SCHIP1: variants seen among roughly 807,000 people sequenced by gnomAD.
SCHIP1 encodes schwannomin-interacting protein 1.
In SCHIP1, 8 loss-of-function variants were observed where a neutral mutation model predicts 29.7. The ratio of observed to expected loss-of-function variants is 0.27; its 90% CI spans 0.16 to 0.49. The LOEUF is 0.49. Ranked by LOEUF, SCHIP1 falls within the 20% of genes least tolerant of loss-of-function variation. SCHIP1 has a pLI of 0.99. For synonymous variants in SCHIP1, 76 were observed against 94.9 expected (o/e 0.80, Z 1.16); for missense variants, 193 against 294.6 (o/e 0.66, Z 2.52).
chr3:159,869,939 C>T (rs1715071867), intron 2 of SCHIP1, among the ~76,000 whole-genome samples: 1 of 151,872 alleles, frequency 6.6e-6, no homozygotes, highest in Admixed American at 6.6e-5. Flanking sequence ...AAGGTTTAGA[C>T]ATATTACACA....
chr3:159,303,436 TAAAGAGAGAGAG>T, the SCHIP1 span, among the ~76,000 whole-genome samples: 38 of 78,998 alleles, frequency 4.8e-4, no homozygotes, highest in African/African-American at 1.7e-3. Context: ...CAAATGAATG[TAAAGAGAGAGAG>T]AAAGAGAGAG....
At chr3:159,852,626 A>C (rs1712795640) in intron 1 of SCHIP1, among the ~76,000 whole-genome samples, 1 of 152,142 alleles carries the variant, frequency 6.6e-6, no homozygotes, top group South Asian at 2.1e-4. Context: ...TTTAAAGAAA[A>C]GTTGATGGAT....
At chr3:159,842,829 G>A (rs1744357914) in intron 1 of SCHIP1, among the ~76,000 whole-genome samples, 1 of 151,360 alleles carries the variant, frequency 6.6e-6, no homozygotes, top group Non-Finnish European at 1.5e-5. Flanking sequence ...ATTCAACCAG[G>A]CATCTAATAT....
chr3:159,335,647 T>C, the SCHIP1 span, among the ~76,000 whole-genome samples: 1 of 152,196 alleles, frequency 6.6e-6, no homozygotes, highest in Non-Finnish European at 1.5e-5. Flanking sequence ...TCCAGCTTCA[T>C]CCATGTCCCT....
chr3:159,654,506 C>A, the SCHIP1 span, among the ~76,000 whole-genome samples: 2 of 152,098 alleles, frequency 1.3e-5, no homozygotes, highest in Non-Finnish European at 2.9e-5. Context: ...ACAAACCCCC[C>A]ACTTATATAT....
chr3:159,310,182 G>A, the SCHIP1 span, among the ~76,000 whole-genome samples: 2 of 152,068 alleles, frequency 1.3e-5, no homozygotes, highest in Non-Finnish European at 2.9e-5. Flanking sequence ...GGCAACTACT[G>A]ATGAGAATAA....
At chr3:159,550,261 T>A in the SCHIP1 span, among the ~76,000 whole-genome samples, 1 of 152,096 alleles carries the variant, frequency 6.6e-6, no homozygotes, top group Non-Finnish European at 1.5e-5. Context: ...TAGTTATGCT[T>A]TTCAAATCCT....
chr3:159,714,998 G>A, the SCHIP1 span, among the ~76,000 whole-genome samples: 1 of 152,210 alleles, frequency 6.6e-6, no homozygotes, highest in African/African-American at 2.4e-5. Flanking sequence ...TCTCCCAGTA[G>A]GGGATGACTG....
At chr3:159,707,080 G>A in the SCHIP1 span, among the ~76,000 whole-genome samples, 19 of 152,236 alleles carry the variant, frequency 1.2e-4, no homozygotes, top group African/African-American at 4.6e-4. Flanking sequence ...AATTTCAATG[G>A]TGGCAAGTGT....
chr3:159,706,344 G>C, the SCHIP1 span, among the ~76,000 whole-genome samples: 4 of 152,166 alleles, frequency 2.6e-5, no homozygotes, highest in Non-Finnish European at 4.4e-5. Flanking sequence ...AGTGTGTCAA[G>C]AGGAACAGAG....
the SCHIP1 span, among the ~76,000 whole-genome samples, chr3:159,634,597 A>G: frequency 1.3e-5 from 2 of 152,096 alleles, no homozygotes; most frequent in African/African-American, 4.8e-5. Context: ...TCCACTGCAA[A>G]TTACTTATTT....
At chr3:159,804,809 TA>T in the SCHIP1 span, among the ~76,000 whole-genome samples, 2 of 152,264 alleles carry the variant, frequency 1.3e-5, no homozygotes, top group East Asian at 1.9e-4. Flanking sequence ...GGAATGCTGT[TA>T]TTTTTTTTCT....
At chr3:159,679,771 C>T in the SCHIP1 span, among the ~76,000 whole-genome samples, 1 of 152,114 alleles carries the variant, frequency 6.6e-6, no homozygotes, top group East Asian at 1.9e-4. Context: ...CCCCTCCACA[C>T]CCCTGAGAGC....
chr3:159,626,256 A>ATATATC, the SCHIP1 span, among the ~76,000 whole-genome samples: 1 of 65,856 alleles, frequency 1.5e-5, no homozygotes, highest in Non-Finnish European at 3.5e-5. Flanking sequence ...ATCTATATAG[A>ATATATC]TAGATAGATA....
chr3:159,295,051 C>T, the SCHIP1 span, among the ~76,000 whole-genome samples: 3 of 151,972 alleles, frequency 2.0e-5, no homozygotes, highest in Non-Finnish European at 4.4e-5. Flanking sequence ...ATGTATCCGA[C>T]AGCATATTAG....
chr3:159,629,100 TTCTGTA>T, the SCHIP1 span, among the ~76,000 whole-genome samples: 1 of 152,116 alleles, frequency 6.6e-6, no homozygotes, highest in East Asian at 1.9e-4. Flanking sequence ...GCATAATATA[TTCTGTA>T]TCTGTAACTC....
At chr3:159,375,008 A>G in the SCHIP1 span, among the ~76,000 whole-genome samples, 97 of 152,356 alleles carry the variant, frequency 6.4e-4, no homozygotes, top group Non-Finnish European at 1.2e-3. Context: ...GAAAAAACTA[A>G]TATTTTAGAT....
the SCHIP1 span, among the ~76,000 whole-genome samples, chr3:159,518,459 TG>T: frequency 3.0e-4 from 45 of 152,174 alleles, 2 homozygotes; most frequent in Non-Finnish European, 6.6e-4. Context: ...CTATTGAATA[TG>T]TTTTTTTAAA....
chr3:159,375,092 A>G, the SCHIP1 span, among the ~76,000 whole-genome samples: 1 of 152,236 alleles, frequency 6.6e-6, no homozygotes, highest in African/African-American at 2.4e-5. Context: ...GTGGCTAGTA[A>G]AAAATGCCAA....
Sources: allele counts gnomAD v4.1 joint callset (sites outside exome capture counted in the v4.1 genomes callset), GRCh38; gene constraint gnomAD v4.1.1; transcripts MANE v1.5; gene names NCBI Gene and HGNC (gene_info 2026-07-23, HGNC 2026-07-21).